Variants in PAM observed in about 807,000 individuals in gnomAD.
PAM encodes peptidyl-glycine alpha-amidating monooxygenase.
A neutral mutation model predicts 122.1 loss-of-function variants in PAM; 72 were observed. That is an observed-to-expected ratio of 0.59 (90% CI 0.49 to 0.72). PAM has a LOEUF of 0.72. Among genes scored for constraint, PAM ranks in the 30% least tolerant of loss-of-function variants. The pLI is 0.00. For missense variants in PAM, 1,106 were observed against 1,183.7 expected, an observed-to-expected ratio of 0.93 and a Z score of 0.96; for synonymous variants, 389 against 404.4, an observed-to-expected ratio of 0.96 and a Z score of 0.46.
intron 15 of PAM, among the ~76,000 whole-genome samples, chr5:102,977,660 A>ACG (rs1768157095): frequency 1.9e-5 from 1 of 53,770 alleles, no homozygotes; most frequent in Non-Finnish European, 4.0e-5. Context: ...GCATGTGCGC[A>ACG]CACACACACA....
At chr5:102,913,682 T>C (rs1016432065) in intron 4 of PAM, among the ~76,000 whole-genome samples, 2 of 151,966 alleles carry the variant, frequency 1.3e-5, no homozygotes, top group Non-Finnish European at 2.9e-5. Context: ...AAAGAGGTCT[T>C]CCATTTTAAA....
rs536292313 is a variant in PAM, at chr5:102,919,340, T to G, written c.356+5319T>G. The stretch of plus-strand genomic sequence containing the variant: ...ACTGTTTTTTAAAGGTGATGTTGTT[T>G]TCCAAATAAGCCCACAGCTTTGTTG... On this transcript the variant is annotated intron_variant, in intron 5 of 25. Coordinates refer to ENST00000438793, the MANE Select transcript of PAM (RefSeq NM_001177306.2). Among the ~76,000 whole-genome samples, 4 of 152,152 alleles carry G rather than the reference T, an allele frequency of 2.6e-5. No homozygotes were observed. In the East Asian group the frequency reaches 7.7e-4, roughly 29 times the overall value.
chr5:102,964,204 T>A (rs1202890957), intron 14 of PAM, among the ~76,000 whole-genome samples: 1 of 151,928 alleles, frequency 6.6e-6, no homozygotes, highest in Non-Finnish European at 1.5e-5. Context: ...AGGAGAAATA[T>A]ATTTTCTTTG....
intron 22 of PAM, among the ~76,000 whole-genome samples, chr5:103,018,009 A>G (rs908008022): frequency 1.3e-5 from 2 of 152,150 alleles, no homozygotes; most frequent in Admixed American, 6.6e-5. Context: ...GAGTTTTCTA[A>G]TTGGAATTTG....
chr5:103,015,217 C>T (rs995193868), intron 21 of PAM, among the ~76,000 whole-genome samples: 2 of 152,106 alleles, frequency 1.3e-5, no homozygotes, highest in Admixed American at 1.3e-4. Context: ...TATATTAAGC[C>T]ACAACATAAA....
intron 1 of PAM, among the ~76,000 whole-genome samples, chr5:102,851,307 T>G (rs1439117156): frequency 2.0e-5 from 3 of 152,182 alleles, no homozygotes; most frequent in African/African-American, 7.2e-5. Flanking sequence ...CTTAAATATT[T>G]TAATGGTATC....
intron 15 of PAM, among the ~76,000 whole-genome samples, chr5:102,975,808 G>A (rs372742806): frequency 6.6e-6 from 1 of 152,284 alleles, no homozygotes; most frequent in African/African-American, 2.4e-5. Flanking sequence ...TTGTGTTCAT[G>A]TGTGAAATGT....
At chr5:102,935,714 C>G (rs1287764786) in intron 7 of PAM, among the ~76,000 whole-genome samples, 1 of 151,972 alleles carries the variant, frequency 6.6e-6, no homozygotes, top group Non-Finnish European at 1.5e-5. Context: ...TCAGTGTTTA[C>G]TTAAACAGAC....
intron 15 of PAM, among the ~76,000 whole-genome samples, chr5:102,981,052 G>C (rs988679312): frequency 5.9e-5 from 9 of 151,960 alleles, no homozygotes; most frequent in Non-Finnish European, 1.2e-4. Context: ...AGCCTACAGG[G>C]GTTCTAATAT....
intron 1 of PAM, among the ~76,000 whole-genome samples, chr5:102,811,688 A>G (rs1480277221): frequency 1.3e-5 from 2 of 152,220 alleles, no homozygotes; most frequent in South Asian, 2.1e-4. Flanking sequence ...TTTAATCTAC[A>G]TTAAATTCAC....
chr5:103,004,874 T>C (rs1321914799), intron 17 of PAM, among the ~76,000 whole-genome samples: 1 of 152,226 alleles, frequency 6.6e-6, no homozygotes, highest in African/African-American at 2.4e-5. Context: ...CTGATACTGT[T>C]TTCTCTAATA....
intron 4 of PAM, among the ~76,000 whole-genome samples, chr5:102,905,468 T>G (rs1799249583): frequency 6.6e-6 from 1 of 151,768 alleles, no homozygotes; most frequent in African/African-American, 2.4e-5. Context: ...CAGTTTCTTT[T>G]GCAGAATTGC....
intron 1 of PAM, among the ~76,000 whole-genome samples, chr5:102,759,019 A>G (rs1192584567): frequency 6.6e-6 from 1 of 152,260 alleles, no homozygotes; most frequent in Non-Finnish European, 1.5e-5. Flanking sequence ...AGGCACTGAC[A>G]TACAATGGTA....
At chr5:102,891,011 A>C in intron 3 of PAM, among the ~76,000 whole-genome samples, 1 of 151,860 alleles carries the variant, frequency 6.6e-6, no homozygotes, top group East Asian at 1.9e-4. Context: ...GCAAAATTGC[A>C]GTGGGATAAA....
intron 23 of PAM, among the ~76,000 whole-genome samples, chr5:103,022,064 A>G (rs1440179560): frequency 6.6e-6 from 1 of 152,094 alleles, no homozygotes; most frequent in African/African-American, 2.4e-5. Flanking sequence ...TAAAACAGGT[A>G]TAGCAATATC....
At chr5:102,796,038 T>C (rs1230850010) in intron 1 of PAM, among the ~76,000 whole-genome samples, 1 of 152,194 alleles carries the variant, frequency 6.6e-6, no homozygotes, top group Non-Finnish European at 1.5e-5. Flanking sequence ...AATCAGAATA[T>C]GCACCAGCCT....
intron 19 of PAM, 119 bp downstream of exon 19, chr5:103,007,130 C>T: frequency 1.4e-6 from 1 of 727,346 alleles, no homozygotes; most frequent in Non-Finnish European, 2.3e-6. Context: ...GTCATTGTAA[C>T]CTGGGTCATT....
At chr5:102,787,753 A>G (rs1197262752) in intron 1 of PAM, among the ~76,000 whole-genome samples, 1 of 151,940 alleles carries the variant, frequency 6.6e-6, no homozygotes, top group Non-Finnish European at 1.5e-5. Context: ...AATCCAACCA[A>G]TTATAGAGCA....
intron 1 of PAM, among the ~76,000 whole-genome samples, chr5:102,762,033 T>C (rs1752503292): frequency 6.6e-6 from 1 of 152,214 alleles, no homozygotes; most frequent in South Asian, 2.1e-4. Context: ...CTAGTGAGAT[T>C]TTTCCCCATT....
Sources: gnomAD v4.1 joint callset for allele counts (sites outside exome capture counted in the v4.1 genomes callset) on GRCh38, gnomAD v4.1.1 for gene constraint, MANE v1.5 for transcripts, NCBI Gene and HGNC (gene_info 2026-07-23, HGNC 2026-07-21) for gene names.